CHIT1: variants seen among roughly 807,000 people sequenced by gnomAD.
CHIT1 encodes the protein chitinase 1, also known as chitotriosidase-1.
A neutral mutation model predicts 52.0 loss-of-function variants in CHIT1; 47 were observed. The ratio of observed to expected loss-of-function variants is 0.90; its 90% confidence interval spans 0.71 to 1.15. The LOEUF (loss-of-function observed/expected upper bound fraction) is 1.15, where lower values mean the gene tolerates loss of function less well. Among genes scored for constraint, CHIT1 ranks in the 50% most tolerant of loss-of-function variants. The pLI, the probability that CHIT1 is intolerant of heterozygous loss-of-function variation, is 0.00. For synonymous variants in CHIT1, 242 were observed against 228.2 expected, an observed-to-expected ratio of 1.06 and a Z score of -0.54; for missense variants, 569 against 583.0, an observed-to-expected ratio of 0.98 and a Z score of 0.25.
intron 2 of CHIT1, among the ~76,000 whole-genome samples, chr1:203,226,563 T>C (rs550536745): frequency 5.7e-4 from 87 of 152,230 alleles, no homozygotes; most frequent in Non-Finnish European, 1.1e-3. Context: ...ATTTGCTTGT[T>C]ATCCCTTGTA....
intron 4 of CHIT1, 111 bp downstream of exon 4, chr1:203,224,937 C>A: frequency 1.0e-6 from 1 of 1,000,080 alleles, no homozygotes; most frequent in Non-Finnish European, 1.6e-6. Context: ...CCTCCCCTTT[C>A]CCCTGACCAC....
intron 2 of CHIT1, 67 bp from the exon 3 acceptor site, chr1:203,225,937 A>C: frequency 5.2e-6 from 8 of 1,546,676 alleles, no homozygotes; most frequent in Non-Finnish European, 7.1e-6. Flanking sequence ...GTCACCCTCC[A>C]TCTGGGGTAG....
chr1:203,229,763 T>TTG, upstream of CHIT1: 3 of 1,019,920 alleles, frequency 2.9e-6, no homozygotes, highest in Non-Finnish European at 4.5e-6. Context: ...GTGGGGGGGA[T>TTG]GGGAGCAGGG....
chr1:203,230,052 T>C, upstream of CHIT1: 1 of 277,966 alleles, frequency 3.6e-6, no homozygotes, highest in South Asian at 4.1e-5. Context: ...CTCTCTTGCT[T>C]CTCCACTGCC....
intron 8 of CHIT1, 77 bp downstream of exon 8, chr1:203,219,587 G>A: frequency 6.6e-7 from 1 of 1,520,576 alleles, no homozygotes; most frequent in Non-Finnish European, 9.1e-7. Flanking sequence ...CTCAGAAACG[G>A]TGGGAGAAGG....
upstream of CHIT1, chr1:203,229,761 G>GGT: frequency 2.0e-6 from 2 of 998,034 alleles, no homozygotes; most frequent in Non-Finnish European, 3.1e-6. Flanking sequence ...GGGTGGGGGG[G>GGT]ATGGGAGCAG....
chr1:203,222,201 C>A lies in CHIT1; in HGVS notation c.729+1G>T, dbSNP rs1656762824. On this transcript the variant is annotated splice_donor_variant, in intron 7 of 10. Coordinates refer to ENST00000367229, the MANE Select transcript of CHIT1 (RefSeq NM_003465.3). LOFTEE classifies it high-confidence loss of function. ...TGCCTCAGCCCTCCTGCCACACGTACCACGTTGAGGCTGGCTGCTGCACCA... is the reference window on the plus strand; with the variant it reads ...TGCCTCAGCCCTCCTGCCACACGTAACACGTTGAGGCTGGCTGCTGCACCA... The A allele has an allele frequency of 6.2e-7, 1 of 1,613,968 alleles. No homozygotes were observed. The highest frequency in any genetic ancestry group is 8.5e-7 in the Non-Finnish European group (1 of 1,180,024).
chr1:203,226,249 T>G (rs1477880769), intron 2 of CHIT1, among the ~76,000 whole-genome samples: 1 of 152,228 alleles, frequency 6.6e-6, no homozygotes, highest in Non-Finnish European at 1.5e-5. Flanking sequence ...TGAAAGTTGC[T>G]AGTCTCAGAG....
chr1:203,222,177 G>A (rs779786158), intron 7 of CHIT1, 25 bp downstream of exon 7: 1 of 1,613,242 alleles, frequency 6.2e-7, no homozygotes, highest in Non-Finnish European at 8.5e-7. Context: ...GGGGAGTCCT[G>A]CCTCAGCCCT....
chr1:203,221,447 A>C (rs1176466513), intron 7 of CHIT1, among the ~76,000 whole-genome samples: 1 of 152,100 alleles, frequency 6.6e-6, no homozygotes, highest in Admixed American at 6.6e-5. Context: ...CATCCTGGGC[A>C]ATATAGCAAG....
At chr1:203,224,603 A>G (rs567153957) in intron 4 of CHIT1, among the ~76,000 whole-genome samples, 1 of 152,172 alleles carries the variant, frequency 6.6e-6, no homozygotes, top group Non-Finnish European at 1.5e-5. Flanking sequence ...CCAAATGCCA[A>G]TACTCTGGCA....
chr1:203,229,477 A>T (rs559329292), intron 1 of CHIT1, 135 bp downstream of exon 1: 1 of 956,268 alleles, frequency 1.0e-6, no homozygotes, highest in African/African-American at 1.6e-5. Context: ...GGAGGCATGG[A>T]GAGGGATAAA....
intron 2 of CHIT1, 82 bp downstream of exon 2, chr1:203,228,451 G>A (rs1008141027): frequency 2.1e-6 from 3 of 1,417,924 alleles, no homozygotes; most frequent in Non-Finnish European, 2.9e-6. Flanking sequence ...AGCTCTTGGG[G>A]AGGTCTGGCA....
At chr1:203,222,096 G>A (rs1656757199) in intron 7 of CHIT1, 106 bp downstream of exon 7, 1 of 1,494,028 alleles carries the variant, frequency 6.7e-7, no homozygotes. Flanking sequence ...TTGTTTCTCA[G>A]TGCCCTGTGT....
rs762034144 is a variant in CHIT1 at position 203,223,248 on chromosome 1, A to AT, written c.491dup (p.Asn164LysfsTer62). 6.2e-7 allele frequency: 1 copy of AT among 1,614,146 alleles called. No individual in the cohort carries two copies. The highest frequency in any genetic ancestry group is 8.5e-7 in the Non-Finnish European group (1 of 1,180,000). ...AGGTCTGGGCTTCCTGCTGGAAGGC[A>AT]TTGGCCAAGTCCTGTGGGAGTGGAG... On this transcript the variant is annotated frameshift_variant, in exon 6 of 11. Transcript: ENST00000367229. LOFTEE classifies it high-confidence loss of function.
chr1:203,223,033 C>T, intron 6 of CHIT1, 102 bp downstream of exon 6: 1 of 1,499,230 alleles, frequency 6.7e-7, no homozygotes, highest in Non-Finnish European at 9.2e-7. Context: ...TTTCCAAATG[C>T]CTTGTAGATG....
chr1:203,218,526 T>C (rs575589274), intron 9 of CHIT1, among the ~76,000 whole-genome samples: 1 of 152,276 alleles, frequency 6.6e-6, no homozygotes, highest in Admixed American at 6.5e-5. Flanking sequence ...CACTTTGTTT[T>C]CAGAGTCCAG....
chr1:203,225,004 C>T (rs1458873064), intron 4 of CHIT1, 44 bp downstream of exon 4: 1 of 1,574,426 alleles, frequency 6.4e-7, no homozygotes, highest in African/African-American at 1.3e-5. Flanking sequence ...GCACCAGGTT[C>T]CCATCCAGGA....
rs771910208 is a variant in CHIT1 at position 203,222,295 on chromosome 1, G to A, written c.636C>T (p.Tyr212=). The A allele has an allele frequency of 2.2e-5, 36 of 1,614,068 alleles. No homozygotes were observed. The highest frequency in any genetic ancestry group is 1.9e-4 in the South Asian group (17 of 91,092). The change falls in exon 7 of 11, where the codon TAC becomes TAT. Residue 212 remains tyrosine, a synonymous_variant. Coordinates refer to ENST00000367229, the MANE Select transcript of CHIT1 (RefSeq NM_003465.3). ...QNLDFVNLMA[Y]DFHGSWEKVT... is the part of the protein sequence containing the mutation. ...CCTTCTCCCAAGAGCCATGGAAGTC[G>A]TAGGCCATAAGGTTGACAAAATCCA...
Sources: allele counts gnomAD v4.1 joint callset (sites outside exome capture counted in the v4.1 genomes callset), GRCh38; gene constraint gnomAD v4.1.1; transcripts MANE v1.5; gene names NCBI Gene and HGNC (gene_info 2026-07-23, HGNC 2026-07-21).